GLI2: variants seen among roughly 807,000 people sequenced by gnomAD.
GLI2 encodes transcription activator GLI2.
Under a neutral mutation model 78.9 loss-of-function variants are expected in GLI2, and 22 were observed. The observed-to-expected ratio is 0.28, with a 90% CI of 0.20 to 0.40. The LOEUF (loss-of-function observed/expected upper bound fraction) is 0.40, where lower values mean the gene tolerates loss of function less well. Among genes scored for constraint, GLI2 ranks in the 10% least tolerant of loss-of-function variants. The pLI, the probability that GLI2 is intolerant of heterozygous loss-of-function variation, is 1.00. For synonymous variants in GLI2, 974 were observed against 963.7 expected (o/e 1.01, Z -0.20); for missense variants, 2,097 against 2,213.2 (o/e 0.95, Z 1.05).
At chr2:120,856,539 G>T (rs1210541153) in intron 2 of GLI2, among the ~76,000 whole-genome samples, 1 of 152,176 alleles carries the variant, frequency 6.6e-6, no homozygotes, top group Non-Finnish European at 1.5e-5. Context: ...GATCTCCACT[G>T]CCTGTAGACT....
At chr2:120,865,618 A>C (rs887767931) in intron 2 of GLI2, among the ~76,000 whole-genome samples, 2 of 152,150 alleles carry the variant, frequency 1.3e-5, no homozygotes, top group Non-Finnish European at 2.9e-5. Context: ...TTTTTGTGTA[A>C]GTGACCGGGA....
chr2:120,835,326 C>CGTTGTTGCTCAGGTGAGGCA (rs913297447), intron 2 of GLI2, among the ~76,000 whole-genome samples: 1 of 151,376 alleles, frequency 6.6e-6, no homozygotes, highest in African/African-American at 2.4e-5. Flanking sequence ...GATTGGCTCC[C>CGTTGTTGCTCAGGTGAGGCA]GTTGTTGCTC....
rs187167660 is a variant in GLI2 at position 120,896,234 on chromosome 2, G to A, written c.149-31127G>A. Among the ~76,000 whole-genome samples, 781 of 145,410 alleles carry A rather than the reference G, an allele frequency of 5.4e-3. 4 individuals carry two copies. The highest frequency in any genetic ancestry group is 0.011 in the Admixed American group (161 of 14,606). ...CCCTTCTTTCCCCCACCCTCTCTCC[G>A]CCCCACCCTGAGGTCAGCCTGAAGG... On this transcript the variant is annotated intron_variant, in intron 2 of 13. Coordinates refer to ENST00000361492, the MANE Select transcript of GLI2 (RefSeq NM_001374353.1).
chr2:120,784,085 C>G (rs955438158), intron 1 of GLI2, among the ~76,000 whole-genome samples: 4 of 152,194 alleles, frequency 2.6e-5, no homozygotes, highest in Non-Finnish European at 4.4e-5. Context: ...CGGGGGCAAT[C>G]CAGGAGACAG....
At chr2:120,926,770 G>A (rs1679698139) in intron 2 of GLI2, among the ~76,000 whole-genome samples, 1 of 152,190 alleles carries the variant, frequency 6.6e-6, no homozygotes, top group Non-Finnish European at 1.5e-5. Flanking sequence ...CAGCGTTTAG[G>A]GGTCAAGAAT....
At chr2:120,818,369 T>C (rs1193913878) in intron 2 of GLI2, among the ~76,000 whole-genome samples, 1 of 152,228 alleles carries the variant, frequency 6.6e-6, no homozygotes, top group Non-Finnish European at 1.5e-5. Flanking sequence ...AGTGTGGACG[T>C]GCCAGTGGCC....
At position 120,988,680 on chromosome 2, in the gene GLI2, GC is replaced by G; in HGVS notation, c.2718del (p.Glu907SerfsTer70). On this transcript the variant is annotated frameshift_variant, in exon 14 of 14. Transcript: ENST00000361492. LOFTEE classifies it low-confidence loss of function (END_TRUNC). ...GGACCAGGCTGGCGCTGCTGGACGCGCCCGAGCGCACGCTGCCCGCCGGCTG... is the reference window on the plus strand; with the variant it reads ...GGACCAGGCTGGCGCTGCTGGACGCGCCGAGCGCACGCTGCCCGCCGGCTG... Reference protein sequence around the residue: ...LRTRLALLDAPERTLPAGCPR... With the variant: ...LRTRLALLDAXERTLPAGCPR... 1 of 1,323,582 alleles carries G rather than the reference GC, an allele frequency of 7.6e-7. No homozygotes were observed. The highest frequency in any genetic ancestry group is 1.6e-5 in the South Asian group (1 of 60,846). 82.0% of individuals were successfully genotyped at this position (1,323,582 alleles called of 1,614,324 possible). A position where few individuals can be genotyped will look rare whatever the true frequency, so the allele number is the denominator to read the frequency against.
intron 1 of GLI2, among the ~76,000 whole-genome samples, chr2:120,765,666 C>T (rs375728287): frequency 2.6e-5 from 4 of 152,352 alleles, no homozygotes; most frequent in East Asian, 3.9e-4. Context: ...CATCAGGACC[C>T]GTTAGGGCAG....
At chr2:120,763,033 G>A (rs1683260104) in intron 1 of GLI2, among the ~76,000 whole-genome samples, 1 of 152,182 alleles carries the variant, frequency 6.6e-6, no homozygotes, top group African/African-American at 2.4e-5. Flanking sequence ...GCAAAGCCCT[G>A]GGAGGCTCTG....
chr2:120,902,384 C>T (rs1220436296), intron 2 of GLI2, among the ~76,000 whole-genome samples: 2 of 152,070 alleles, frequency 1.3e-5, no homozygotes, highest in Non-Finnish European at 2.9e-5. Flanking sequence ...CACTCTGTGG[C>T]CAAGGGCTGT....
chr2:120,739,695 C>CGGG (rs1426555082), intron 1 of GLI2, among the ~76,000 whole-genome samples: 1 of 152,164 alleles, frequency 6.6e-6, no homozygotes, highest in Non-Finnish European at 1.5e-5. Flanking sequence ...AAAAGGAACC[C>CGGG]GGGGGAGCAC....
chr2:120,951,230 A>T lies in GLI2; in HGVS notation c.255-13A>T, dbSNP rs754130740. On this transcript the variant is annotated splice_polypyrimidine_tract_variant and intron_variant, in intron 3 of 13. Transcript: ENST00000361492. ...TGTCCTCCTTCTTAGACGGCTGCCC[A>T]TTGTCTCTGCAGGCCCCCTGCCCTC... 15 of 1,536,244 alleles carry T rather than the reference A, an allele frequency of 9.8e-6. No homozygotes were observed. The highest frequency in any genetic ancestry group is 1.2e-5 in the Non-Finnish European group (13 of 1,109,356).
At chr2:120,847,605 A>G (rs1224886626) in intron 2 of GLI2, among the ~76,000 whole-genome samples, 1 of 142,666 alleles carries the variant, frequency 7.0e-6, no homozygotes, top group East Asian at 2.3e-4. Flanking sequence ...TAGAACTTGG[A>G]TTGGGGGGTT....
At chr2:120,842,805 C>T (rs1419592173) in intron 2 of GLI2, among the ~76,000 whole-genome samples, 1 of 152,230 alleles carries the variant, frequency 6.6e-6, no homozygotes, top group Admixed American at 6.5e-5. Context: ...AGAAATTGTC[C>T]TTAGCAGAAG....
At chr2:120,840,047 T>C (rs1160408837) in intron 2 of GLI2, among the ~76,000 whole-genome samples, 1 of 152,228 alleles carries the variant, frequency 6.6e-6, no homozygotes, top group Non-Finnish European at 1.5e-5. Flanking sequence ...ACCTATGTGA[T>C]TGATTTTTAG....
At chr2:120,937,489 G>A (rs1017231991) in intron 3 of GLI2, among the ~76,000 whole-genome samples, 20 of 152,150 alleles carry the variant, frequency 1.3e-4, no homozygotes, top group African/African-American at 4.6e-4. Context: ...TGGTATGCTG[G>A]AAGAGGGGGT....
chr2:120,744,775 A>T (rs1158250356), intron 1 of GLI2, among the ~76,000 whole-genome samples: 1 of 152,316 alleles, frequency 6.6e-6, no homozygotes, highest in East Asian at 1.9e-4. Flanking sequence ...GGTGGGGTTC[A>T]TGGGCCTCCT....
intron 10 of GLI2, among the ~76,000 whole-genome samples, chr2:120,979,629 G>A (rs1479997308): frequency 1.3e-5 from 2 of 152,206 alleles, no homozygotes; most frequent in Non-Finnish European, 2.9e-5. Flanking sequence ...TTCGGAAAAT[G>A]TGCAATTTAG....
intron 2 of GLI2, among the ~76,000 whole-genome samples, chr2:120,832,537 C>T (rs572653158): frequency 3.3e-5 from 5 of 152,264 alleles, no homozygotes; most frequent in Admixed American, 1.3e-4. Context: ...TAGGCACACT[C>T]GGGCCCTTGT....
Sources: allele counts gnomAD v4.1 joint callset (sites outside exome capture counted in the v4.1 genomes callset), GRCh38; gene constraint gnomAD v4.1.1; transcripts MANE v1.5; gene names NCBI Gene and HGNC (gene_info 2026-07-23, HGNC 2026-07-21).